EXOC6B: variants seen among roughly 807,000 people sequenced by gnomAD.
The protein encoded by EXOC6B is SEC15 homolog B.
EXOC6B carries 54 observed loss-of-function variants against 113.5 expected under a neutral mutation model. The ratio of observed to expected loss-of-function variants is 0.48; its 90% confidence interval spans 0.38 to 0.60. The LOEUF is 0.60. Ranked by LOEUF, EXOC6B falls within the 20% of genes least tolerant of loss-of-function variation. The probability of loss-of-function intolerance (pLI) is 0.00; values close to 1 mark genes in which losing one functional copy is unlikely to be tolerated. For missense variants in EXOC6B, 797 were observed against 977.5 expected (o/e 0.82, Z 2.46); for synonymous variants, 357 against 339.0 (o/e 1.05, Z -0.58).
intron 7 of EXOC6B, among the ~76,000 whole-genome samples, chr2:72,568,566 T>G (rs896426081): frequency 6.6e-6 from 1 of 151,810 alleles, no homozygotes; most frequent in African/African-American, 2.4e-5. Context: ...CACACACCTA[T>G]TCTTTCAAAA....
At chr2:72,285,346 AAGAT>A (rs1475037439) in intron 20 of EXOC6B, among the ~76,000 whole-genome samples, 1 of 152,004 alleles carries the variant, frequency 6.6e-6, no homozygotes, top group African/African-American at 2.4e-5. Context: ...ATATATAAAA[AAGAT>A]AGACCTCTGA....
At chr2:72,379,602 C>T in intron 19 of EXOC6B, 127 bp downstream of exon 19, 1 of 850,568 alleles carries the variant, frequency 1.2e-6, no homozygotes, top group Non-Finnish European at 1.7e-6. Flanking sequence ...TATAAGTTAT[C>T]TCTGTTATCT....
At chr2:72,596,683 T>C (rs926410694) in intron 6 of EXOC6B, among the ~76,000 whole-genome samples, 1 of 152,048 alleles carries the variant, frequency 6.6e-6, no homozygotes, top group Non-Finnish European at 1.5e-5. Flanking sequence ...GATTTAATCA[T>C]AAGGCTACAG....
At chr2:72,589,715 G>A (rs1705811911) in intron 6 of EXOC6B, among the ~76,000 whole-genome samples, 2 of 151,600 alleles carry the variant, frequency 1.3e-5, no homozygotes, top group South Asian at 4.2e-4. Context: ...TGCACAGTGG[G>A]TCACTAAAAT....
chr2:72,235,642 A>AATAGGTGTGTGGGACTTC lies in EXOC6B; in HGVS notation c.2197-51456_2197-51455insGAAGTCCCACACACCTAT, dbSNP rs547826499. ...GTCTAGAAACTGAGTGAAACATAAGAATAGGTGTATGGGACTTTCCCATTT... is the reference window on the plus strand; with the variant it reads ...GTCTAGAAACTGAGTGAAACATAAGAATAGGTGTGTGGGACTTCATAGGTGTATGGGACTTTCCCATTT... On this transcript the variant is annotated intron_variant, in intron 20 of 21. Coordinates refer to ENST00000272427, the MANE Select transcript of EXOC6B (RefSeq NM_015189.3). Among the ~76,000 whole-genome samples, 695 of 152,296 alleles carry AATAGGTGTGTGGGACTTC rather than the reference A, an allele frequency of 4.6e-3. 7 individuals carry two copies. Among genetic ancestry groups the AATAGGTGTGTGGGACTTC allele is most frequent in the African/African-American group, 0.015 (643 of 41,564 alleles).
In EXOC6B at chr2:72,197,190, C is replaced by T. The variant is rs75260882; in HGVS notation, c.2197-13003G>A. 6.4e-3 allele frequency among the ~76,000 whole-genome samples: 966 copies of T among 152,102 alleles called. 12 individuals are homozygous for T. The highest frequency in any genetic ancestry group is 0.022 in the African/African-American group (924 of 41,484). On this transcript the variant is annotated intron_variant, in intron 20 of 21. Transcript: ENST00000272427. ...CTTACTTACCCATTTCATTTGATCCCGAGGAAAATCAACAGCAGAAGAGGT... is the reference window on the plus strand; with the variant it reads ...CTTACTTACCCATTTCATTTGATCCTGAGGAAAATCAACAGCAGAAGAGGT...
chr2:72,419,595 G>GT lies in EXOC6B; in HGVS notation c.1981-39726dup, dbSNP rs1694741698. On this transcript the variant is annotated intron_variant, in intron 18 of 21. Transcript: ENST00000272427. ...ATATAGAATTCTTGGTTCACAGTTT[G>GT]TTTTTTCTTTTAACACTTTGATATA... 2.0e-5 allele frequency among the ~76,000 whole-genome samples: 3 copies of GT among 152,204 alleles called. No individual in the cohort carries two copies. In the South Asian group the frequency reaches 6.2e-4, roughly 32 times the overall value.
chr2:72,760,147 G>T (rs1682656017), intron 1 of EXOC6B, among the ~76,000 whole-genome samples: 1 of 152,090 alleles, frequency 6.6e-6, no homozygotes, highest in Non-Finnish European at 1.5e-5. Context: ...CCTCTCATAT[G>T]CTCCTTCTCT....
intron 1 of EXOC6B, among the ~76,000 whole-genome samples, chr2:72,802,224 C>T (rs913465922): frequency 6.6e-6 from 1 of 151,618 alleles, no homozygotes; most frequent in Non-Finnish European, 1.5e-5. Context: ...ACTCAGGAGG[C>T]TGAGGCAGGA....
chr2:72,583,909 A>G (rs1325205093), intron 6 of EXOC6B, among the ~76,000 whole-genome samples: 2 of 152,036 alleles, frequency 1.3e-5, no homozygotes, highest in Non-Finnish European at 2.9e-5. Context: ...TTTAATAGAG[A>G]TGGGGTTTCA....
chr2:72,235,796 C>T (rs74437940), intron 20 of EXOC6B, among the ~76,000 whole-genome samples: 2,018 of 152,188 alleles, frequency 0.013, 24 homozygotes, highest in Non-Finnish European at 0.023. Flanking sequence ...GGTAGCCTTT[C>T]CATACCAATG....
chr2:72,510,303 C>A (rs978830881), intron 11 of EXOC6B, among the ~76,000 whole-genome samples: 2 of 151,956 alleles, frequency 1.3e-5, no homozygotes, highest in African/African-American at 4.8e-5. Flanking sequence ...TTTGGGAGAG[C>A]AAATGAGCAA....
At chr2:72,478,596 C>T (rs1180566226) in intron 17 of EXOC6B, among the ~76,000 whole-genome samples, 1 of 152,220 alleles carries the variant, frequency 6.6e-6, no homozygotes, top group Non-Finnish European at 1.5e-5. Flanking sequence ...ACTTCTCCTT[C>T]ACTAAGTATT....
At chr2:72,225,763 T>C (rs1373575057) in intron 20 of EXOC6B, among the ~76,000 whole-genome samples, 1 of 152,240 alleles carries the variant, frequency 6.6e-6, no homozygotes, top group Non-Finnish European at 1.5e-5. Context: ...CCTATTCATT[T>C]AACTATATAT....
chr2:72,517,271 T>G (rs1701261451), intron 8 of EXOC6B, among the ~76,000 whole-genome samples: 1 of 152,204 alleles, frequency 6.6e-6, no homozygotes, highest in Admixed American at 6.5e-5. Context: ...CACCTTTCAT[T>G]AAATATTCCT....
rs1042034267 is a variant in EXOC6B at position 72,732,938 on chromosome 2, G to T, written c.327+133C>A. The T allele has an allele frequency of 4.2e-6, 3 of 718,912 alleles. No individual in the cohort carries two copies. The African/African-American group carries it at 5.4e-5, about 13-fold the overall frequency. 44.5% of individuals were successfully genotyped at this position (718,912 alleles called of 1,614,324 possible). ...GTTCATTTAATTCAGATAAACATTA[G>T]GAAAAGCAACAATAATGTCCAAGTA... On this transcript the variant is annotated intron_variant, in intron 3 of 21. Coordinates refer to ENST00000272427, the MANE Select transcript of EXOC6B (RefSeq NM_015189.3).
intron 1 of EXOC6B, among the ~76,000 whole-genome samples, chr2:72,824,096 G>T (rs547359077): frequency 7.3e-5 from 11 of 151,122 alleles, no homozygotes; most frequent in Non-Finnish European, 1.0e-4. Flanking sequence ...CACTTTAAGG[G>T]ACAAAGGGGC....
chr2:72,723,840 T>A (rs1200072598), intron 5 of EXOC6B, among the ~76,000 whole-genome samples: 1 of 151,216 alleles, frequency 6.6e-6, no homozygotes, highest in Non-Finnish European at 1.5e-5. Flanking sequence ...CAAAAATATA[T>A]GAAACAGCCA....
At chr2:72,776,040 C>G (rs1382819741) in intron 1 of EXOC6B, among the ~76,000 whole-genome samples, 2 of 152,066 alleles carry the variant, frequency 1.3e-5, no homozygotes, top group African/African-American at 4.8e-5. Flanking sequence ...TCTCTAATTT[C>G]TTATAAATTG....
Sources: gnomAD v4.1 joint callset for allele counts (sites outside exome capture counted in the v4.1 genomes callset) on GRCh38, gnomAD v4.1.1 for gene constraint, MANE v1.5 for transcripts, NCBI Gene and HGNC (gene_info 2026-07-23, HGNC 2026-07-21) for gene names.